Variants in TESPA1 observed in about 807,000 individuals in gnomAD.
TESPA1 encodes thymocyte expressed, positive selection associated 1.
TESPA1 carries 33 observed loss-of-function variants against 57.9 expected under a neutral mutation model. The observed-to-expected ratio is 0.57, with a 90% CI of 0.43 to 0.76. The LOEUF (loss-of-function observed/expected upper bound fraction) is 0.76, where lower values mean the gene tolerates loss of function less well. Ranked by LOEUF, TESPA1 falls within the 30% of genes least tolerant of loss-of-function variation. The pLI, the probability that TESPA1 is intolerant of heterozygous loss-of-function variation, is 0.00. For synonymous variants in TESPA1, 227 were observed against 228.9 expected, an observed-to-expected ratio of 0.99 and a Z score of 0.07; for missense variants, 618 against 632.9, an observed-to-expected ratio of 0.98 and a Z score of 0.25.
intron 3 of TESPA1, among the ~76,000 whole-genome samples, chr12:54,972,401 G>A (rs1158258141): frequency 2.0e-5 from 3 of 152,190 alleles, no homozygotes; most frequent in African/African-American, 7.2e-5. Flanking sequence ...TGACTCAAGA[G>A]TAGTTAATGA....
At chr12:54,958,519 G>A (rs962715155) in intron 10 of TESPA1, among the ~76,000 whole-genome samples, 1 of 150,282 alleles carries the variant, frequency 6.7e-6, no homozygotes, top group Non-Finnish European at 1.5e-5. Flanking sequence ...TATTCTTTTC[G>A]GTGTTCTCTG....
chr12:54,962,647 T>G lies in TESPA1; in HGVS notation c.1251A>C (p.Pro417=), dbSNP rs1951160688. 2 of 1,613,860 alleles carry G rather than the reference T, an allele frequency of 1.2e-6. No individual in the cohort carries two copies. The highest frequency in any genetic ancestry group is 2.7e-5 in the African/African-American group (2 of 74,910). ...AQIRRELCSL[P]ATNTETHPAK... is the part of the protein sequence containing the mutation. ...CTGGATGGGTTTCCGTATTGGTGGCTGGTAGACTACACAGCTCTCTCCTTA... is the reference window on the plus strand; with the variant it reads ...CTGGATGGGTTTCCGTATTGGTGGCGGGTAGACTACACAGCTCTCTCCTTA... The change falls in exon 9 of 11, where the codon CCA becomes CCC. Residue 417 remains proline, a synonymous_variant. Transcript: ENST00000449076.
intron 1 of TESPA1, among the ~76,000 whole-genome samples, chr12:54,980,659 C>T (rs1252124940): frequency 1.3e-5 from 2 of 152,118 alleles, no homozygotes; most frequent in Non-Finnish European, 2.9e-5. Flanking sequence ...GGATAATTAT[C>T]ATTAGTAGAC....
At chr12:54,974,222 A>C (rs1404305030) in intron 2 of TESPA1, among the ~76,000 whole-genome samples, 178 bp downstream of exon 2, 1 of 152,202 alleles carries the variant, frequency 6.6e-6, no homozygotes, top group Non-Finnish European at 1.5e-5. Flanking sequence ...TCTCTTTCTC[A>C]CATAATTCAT....
chr12:54,953,522 C>CTTTTTTTTTTTTTTTTT (rs1178610425), intron 10 of TESPA1, among the ~76,000 whole-genome samples: 1 of 135,362 alleles, frequency 7.4e-6, no homozygotes, highest in Admixed American at 7.9e-5. Flanking sequence ...TTTTTATTTA[C>CTTTTTTTTTTTTTTTTT]TTTTTTTTTT....
chr12:54,963,945 G>A lies in TESPA1; in HGVS notation c.452C>T (p.Ser151Leu). 1 of 1,612,960 alleles carries A rather than the reference G, an allele frequency of 6.2e-7. No homozygotes were observed. The highest frequency in any genetic ancestry group is 8.5e-7 in the Non-Finnish European group (1 of 1,178,944). The change falls in exon 8 of 11, where the codon TCA (serine) becomes TTA (leucine). Residue 151 changes from serine to leucine, a missense_variant. By Grantham distance (145) the Ser-to-Leu change is moderately radical (BLOSUM62 -2). Transcript: ENST00000449076. ...TTCTTGCACTTTGTCCAGAATTTCT[G>A]AGATGCTGAAATGAGGGAGTTTGGG... ...GGTNKTSSSISEILDKVQEDA... is the reference protein window; with the variant it reads ...GGTNKTSSSILEILDKVQEDA...
Position 54,948,382 on chromosome 12 carries a change from C to A in TESPA1, c.*2010G>T. The A allele has an allele frequency of 5.8e-6, 1 of 171,338 alleles. No individual in the cohort carries two copies. Among genetic ancestry groups the A allele is most frequent in the South Asian group, 1.9e-4 (1 of 5,142 alleles). The allele number at this position is 171,338 out of a possible 1,614,324, so 10.6% of individuals were successfully genotyped here. On this transcript the variant is annotated 3_prime_UTR_variant, in exon 11 of 11. Coordinates refer to ENST00000449076, the MANE Select transcript of TESPA1 (RefSeq NM_001136030.3). ...AGGCCTGACAGTTTGGATCTGTGTC[C>A]TCACCCAAATCTCATGTCAAACTGT... is the stretch of plus-strand genomic sequence containing the variant.
chr12:54,955,995 A>G (rs1213836713), intron 10 of TESPA1, among the ~76,000 whole-genome samples: 1 of 152,210 alleles, frequency 6.6e-6, no homozygotes, highest in Admixed American at 6.5e-5. Context: ...AATGGGGAAT[A>G]ATGAAAGACC....
At position 54,974,456 on chromosome 12, in the gene TESPA1, G is replaced by A; in HGVS notation, c.107C>T (p.Ala36Val). 6.2e-7 allele frequency: 1 copy of A among 1,609,720 alleles called. No homozygotes were observed. The highest frequency in any genetic ancestry group is 8.5e-7 in the Non-Finnish European group (1 of 1,178,124). Reference protein sequence around the residue: ...TQVLEEEAAAALQDVPDPEPS... With the variant: ...TQVLEEEAAAVLQDVPDPEPS... Reference sequence around the variant, plus strand: ...CTCAGGATCTGGGACATCCTGCAGGGCGGCGGCAGCCTCCTCTTCTAGGAC... The same window carrying A: ...CTCAGGATCTGGGACATCCTGCAGGACGGCGGCAGCCTCCTCTTCTAGGAC... Residue 36 changes from alanine to valine, a missense_variant, in exon 2 of 11, where the codon GCC becomes GTC. This residue lies in a region of TESPA1 where 199 missense variants were observed against 184.0 expected (regional missense o/e 1.08). Coordinates refer to ENST00000449076, the MANE Select transcript of TESPA1 (RefSeq NM_001136030.3).
At chr12:54,971,802 C>G (rs746549740) in intron 3 of TESPA1, among the ~76,000 whole-genome samples, 1 of 152,054 alleles carries the variant, frequency 6.6e-6, no homozygotes, top group Non-Finnish European at 1.5e-5. Context: ...TTCCTTCTTC[C>G]AGGTAATCAC....
At chr12:54,980,065 C>G (rs2136212833) in intron 1 of TESPA1, among the ~76,000 whole-genome samples, 1 of 152,118 alleles carries the variant, frequency 6.6e-6, no homozygotes, top group South Asian at 2.1e-4. Context: ...TGGTCTGACT[C>G]CATGTTATAT....
chr12:54,966,183 C>T (rs1262403965), intron 6 of TESPA1, 32 bp from the exon 7 acceptor site: 3 of 1,563,816 alleles, frequency 1.9e-6, no homozygotes, highest in Non-Finnish European at 2.6e-6. Context: ...TCATACAAAT[C>T]TTGTTTCCAG....
intron 10 of TESPA1, among the ~76,000 whole-genome samples, chr12:54,959,233 C>G (rs535345820): frequency 6.6e-6 from 1 of 152,298 alleles, no homozygotes; most frequent in South Asian, 2.1e-4. Flanking sequence ...CTCTCTGTCC[C>G]CTTTAATGGG....
intron 1 of TESPA1, 65 bp from the exon 2 acceptor site, chr12:54,974,672 T>C (rs1952052624): frequency 1.1e-5 from 14 of 1,247,536 alleles, no homozygotes; most frequent in Non-Finnish European, 1.5e-5. Context: ...ATGCTCAGGG[T>C]TGCCCCCTGA....
At chr12:54,976,978 G>A (rs1223799637) in intron 1 of TESPA1, among the ~76,000 whole-genome samples, 5 of 151,904 alleles carry the variant, frequency 3.3e-5, no homozygotes, top group African/African-American at 1.2e-4. Flanking sequence ...TCACCCTGCA[G>A]TGTCCAGCTC....
rs772561272 is a variant in TESPA1 at position 54,962,680 on chromosome 12, T to C, written c.1218A>G (p.Pro406=). ...TACACAGCTCTCTCCTTATCTGAGC[T>C]GGGTCTGTGCTCCACTGTGGATCTT... ...PIEDPQWSTD[P]AQIRRELCSL... The change falls in exon 9 of 11, where the codon CCA becomes CCG. Residue 406 remains proline (P), a synonymous_variant. Transcript: ENST00000449076. 6.2e-7 allele frequency: 1 copy of C among 1,613,968 alleles called. No individual in the cohort carries two copies. Among genetic ancestry groups the C allele is most frequent in the Admixed American group, 1.7e-5 (1 of 60,020 alleles).
At chr12:54,957,195 T>C (rs1950786168) in intron 10 of TESPA1, among the ~76,000 whole-genome samples, 1 of 152,166 alleles carries the variant, frequency 6.6e-6, no homozygotes. Context: ...GGATTCTAAT[T>C]CCCATTTGCC....
At chr12:54,958,902 G>A (rs980796632) in intron 10 of TESPA1, among the ~76,000 whole-genome samples, 4 of 151,806 alleles carry the variant, frequency 2.6e-5, no homozygotes, top group Admixed American at 6.6e-5. Context: ...TTGTTCTTGC[G>A]CACAGACTAC....
At chr12:54,971,583 T>C (rs1951833373) in intron 3 of TESPA1, among the ~76,000 whole-genome samples, 1 of 152,192 alleles carries the variant, frequency 6.6e-6, no homozygotes, top group Non-Finnish European at 1.5e-5. Flanking sequence ...CATTTTGAAG[T>C]TTAAATATTT....
Sources: allele counts gnomAD v4.1 joint callset (sites outside exome capture counted in the v4.1 genomes callset), GRCh38; gene constraint gnomAD v4.1.1; regional missense constraint gnomAD v4.1.1; transcripts MANE v1.5; gene names NCBI Gene and HGNC (gene_info 2026-07-23, HGNC 2026-07-21).